The following GNAS variants were observed in gnomAD, a reference collection of about 807,000 sequenced individuals.
GNAS encodes protein ALEX.
In GNAS, 8 loss-of-function variants were observed where a neutral mutation model predicts 54.5. The ratio of observed to expected loss-of-function variants is 0.15; its 90% CI spans 0.09 to 0.26. The LOEUF (loss-of-function observed/expected upper bound fraction) is 0.26. Among genes scored for constraint, GNAS ranks in the 10% least tolerant of loss-of-function variants. The pLI, the probability that GNAS is intolerant of heterozygous loss-of-function variation, is 1.00. For synonymous variants in GNAS, 204 were observed against 191.4 expected (o/e 1.07, Z -0.54); for missense variants, 170 against 529.8 (o/e 0.32, Z 6.67).
chr20:58,888,478 G>C (rs1476286366), upstream of GNAS: 1 of 152,192 alleles, frequency 6.6e-6, no homozygotes, highest in Non-Finnish European at 1.5e-5. Context: ...TGTGCGGCGG[G>C]ACACTTGAGA....
At chr20:58,846,549 T>C (rs185857519) in intron 1 of GNAS, among the ~76,000 whole-genome samples, 158 of 152,368 alleles carry the variant, frequency 1.0e-3, no homozygotes, top group Non-Finnish European at 2.5e-4. Flanking sequence ...TCTAGCTGTC[T>C]AGCTCCAAGG....
At chr20:58,883,854 C>G (rs541632532) in intron 1 of GNAS, among the ~76,000 whole-genome samples, 35 of 152,214 alleles carry the variant, frequency 2.3e-4, no homozygotes, top group Non-Finnish European at 4.7e-4. Flanking sequence ...GACTGTGCCC[C>G]GATGGTTAGT....
rs565602903 is a variant in GNAS, at chr20:58,870,382, G to C, written c.44-25230G>C. Among the ~76,000 whole-genome samples the C allele has an allele frequency of 2.6e-5, 4 of 152,368 alleles. No homozygotes were observed. In the East Asian group the frequency reaches 7.7e-4, roughly 29 times the overall value. On this transcript the variant is annotated intron_variant, in intron 1 of 12. Transcript: ENST00000306090. ...GTGGCTGAGGGCAGGTGACCCTGTA[G>C]ACCGTGGGGAACAGAGGAGGCCAGG...
rs770529133 is a variant in GNAS at position 58,903,755 on chromosome 20, G to A, written c.396G>A (p.Leu132=). The A allele has an allele frequency of 6.2e-7, 1 of 1,613,876 alleles. No individual in the cohort carries two copies. Among genetic ancestry groups the A allele is most frequent in the South Asian group, 1.1e-5 (1 of 91,052 alleles). The change falls in exon 5 of 13, where the codon CTG becomes CTA. Residue 132 remains leucine, a synonymous_variant. Transcript: ENST00000371085. The part of the protein sequence containing the change: ...PENQFRVDYI[L]SVMNVPDFDF... ...ACCAGTTCAGAGTGGACTACATCCT[G>A]AGTGTGATGAACGTGCCTGACTTTG... is the stretch of plus-strand genomic sequence containing the variant.
chr20:58,894,404 T>A (rs1451540870), intron 1 of GNAS, among the ~76,000 whole-genome samples: 1 of 152,242 alleles, frequency 6.6e-6, no homozygotes, highest in Non-Finnish European at 1.5e-5. Flanking sequence ...CTGTGGAAAC[T>A]AATTTTAACT....
At position 58,873,322 on chromosome 20, in the gene GNAS, T is replaced by C. The variant is rs1568949339; in HGVS notation, c.44-22290T>C. ...GGAAATGTTTAGTGGAAATTTAGCA[T>C]AAAATGACATGCCTAATTTAAGAAA... On this transcript the variant is annotated intron_variant, in intron 1 of 12. Coordinates refer to the GNAS transcript ENST00000306090. The surrounding 1 kb of genome is among the most constrained non-coding windows in gnomAD (Gnocchi z 4.3). Among the ~76,000 whole-genome samples the C allele has an allele frequency of 1.3e-5, 2 of 152,206 alleles. No individual in the cohort carries two copies. Among genetic ancestry groups the C allele is most frequent in the Non-Finnish European group, 2.9e-5 (2 of 68,030 alleles).
chr20:58,901,928 C>G (rs1310315717), intron 3 of GNAS, among the ~76,000 whole-genome samples: 1 of 149,452 alleles, frequency 6.7e-6, no homozygotes, highest in Non-Finnish European at 1.5e-5. Context: ...CGCCTTTCCT[C>G]TGCCTTAACT....
chr20:58,854,560 G>T, intron 1 of GNAS: 1 of 1,568,146 alleles, frequency 6.4e-7, no homozygotes, highest in Middle Eastern at 1.7e-4. Context: ...CCCGACTCCG[G>T]GGCAGCCCCT....
chr20:58,851,406 T>C lies in GNAS; in HGVS notation c.43+10520T>C, dbSNP rs144159482. Among the ~76,000 whole-genome samples the C allele has an allele frequency of 4.1e-3, 624 of 152,198 alleles. 2 individuals carry two copies. The highest frequency in any genetic ancestry group is 0.014 in the African/African-American group (595 of 41,530). On this transcript the variant is annotated intron_variant, in intron 1 of 12. Transcript: ENST00000306090. ...CTTGCTGCAGCCCGCCCTGTGTAACTCATCCAGCCTCCCCTCCCCCAGGGT... is the reference window on the plus strand; with the variant it reads ...CTTGCTGCAGCCCGCCCTGTGTAACCCATCCAGCCTCCCCTCCCCCAGGGT...
chr20:58,892,793 T>C (rs2089602004), intron 1 of GNAS, among the ~76,000 whole-genome samples: 1 of 152,052 alleles, frequency 6.6e-6, no homozygotes, highest in South Asian at 2.1e-4. Flanking sequence ...CACGTCATTT[T>C]ACAGTGTGAC....
chr20:58,903,832 C>G lies in GNAS; in HGVS notation c.432+41C>G, dbSNP rs761110421. 7 of 1,612,128 alleles carry G rather than the reference C, an allele frequency of 4.3e-6. No homozygotes were observed. The South Asian group carries it at 7.7e-5, about 18-fold the overall frequency. On this transcript the variant is annotated intron_variant, in intron 5 of 12. Transcript: ENST00000371085. ...ACTTGTGTGGCCTTAGCCCCGCCCA[C>G]CTGAGCACAGTGTCCATATAGGAAC...
chr20:58,842,987 C>T (rs1274038564), intron 1 of GNAS, among the ~76,000 whole-genome samples: 1 of 152,192 alleles, frequency 6.6e-6, no homozygotes, highest in Non-Finnish European at 1.5e-5. Flanking sequence ...TCACACCCAT[C>T]TTGCTGTTTT....
Position 58,910,679 on chromosome 20 carries a change from G to T in GNAS, c.1039-4G>T. The T allele has an allele frequency of 6.2e-7, 1 of 1,614,066 alleles. No individual in the cohort carries two copies. The highest frequency in any genetic ancestry group is 1.3e-5 in the African/African-American group (1 of 75,028). Reference sequence around the variant, plus strand: ...CTGACAAGTCCCCTTGTTTGTGCCCGCAGAGGATCAGCACTGCCAGTGGAG... The same window carrying T: ...CTGACAAGTCCCCTTGTTTGTGCCCTCAGAGGATCAGCACTGCCAGTGGAG... On this transcript the variant is annotated splice_polypyrimidine_tract_variant and splice_region_variant and intron_variant, in intron 12 of 12. Transcript: ENST00000371085. This position sits in a 1 kb window ranked among gnomAD's most constrained non-coding sequence, Gnocchi z 5.8.
chr20:58,853,450 A>T lies in GNAS; in HGVS notation c.43+12564A>T. On this transcript the variant is annotated intron_variant, in intron 1 of 12. Transcript: ENST00000306090. This position sits in a 1 kb window ranked among gnomAD's most constrained non-coding sequence, Gnocchi z 4.4. ...CCTCACAACGAGCCCATCCCCGTCG[A>T]GAATGATGGCGAGGCCTGTGGACCC... 1 of 1,611,422 alleles carries T rather than the reference A, an allele frequency of 6.2e-7. No homozygotes were observed. Among genetic ancestry groups the T allele is most frequent in the Non-Finnish European group, 8.5e-7 (1 of 1,179,068 alleles).
At chr20:58,908,855 C>A in intron 6 of GNAS, 2 of 451,736 alleles carry the variant, frequency 4.4e-6, no homozygotes, top group Non-Finnish European at 4.0e-6. Flanking sequence ...AGAACAAAGC[C>A]CCACCACCGT....
In GNAS at chr20:58,909,134, A is replaced by G. The variant is rs1393901356; in HGVS notation, c.531-28A>G. 1.4e-5 allele frequency: 23 copies of G among 1,605,022 alleles called. No individual in the cohort carries two copies. The highest frequency in any genetic ancestry group is 1.7e-5 in the Non-Finnish European group (20 of 1,171,812). Reference sequence around the variant, plus strand: ...GCAAATTGATGTGAGCGCTGTGAACACCCCACGTGTCTTTCTTTTTCTCCC... The same window carrying G: ...GCAAATTGATGTGAGCGCTGTGAACGCCCCACGTGTCTTTCTTTTTCTCCC... On this transcript the variant is annotated intron_variant, in intron 6 of 12. Coordinates refer to ENST00000371085, the MANE Select transcript of GNAS (RefSeq NM_000516.7). This position sits in a 1 kb window ranked among gnomAD's most constrained non-coding sequence, Gnocchi z 7.3.
chr20:58,891,484 C>A lies in GNAS; in HGVS notation c.-243C>A. On this transcript the variant is annotated 5_prime_UTR_variant, in exon 1 of 13. Transcript: ENST00000371085. ...CGGCGGCGGCCATCAGCCCCCTCGG[C>A]CTCGGCTCGAGGGGCGGGGAGCTGC... The A allele has an allele frequency of 1.1e-6, 1 of 950,940 alleles. No individual in the cohort carries two copies. Among genetic ancestry groups the A allele is most frequent in the Non-Finnish European group, 1.2e-6 (1 of 800,802 alleles). 58.9% of individuals were successfully genotyped at this position (950,940 alleles called of 1,614,324 possible).
intron 2 of GNAS, chr20:58,898,202 G>A (rs564926560): frequency 6.6e-6 from 1 of 152,076 alleles, no homozygotes; most frequent in South Asian, 2.1e-4. Context: ...GCTGCCCTTC[G>A]GCCTTCAAGG....
chr20:58,879,315 T>C (rs557912944), intron 1 of GNAS, among the ~76,000 whole-genome samples: 1 of 152,362 alleles, frequency 6.6e-6, no homozygotes, highest in South Asian at 2.1e-4. Flanking sequence ...CTTTCACTTG[T>C]AGCTTTGCTC....
Sources: gnomAD v4.1 joint callset for allele counts (sites outside exome capture counted in the v4.1 genomes callset) on GRCh38, gnomAD v4.1.1 for gene constraint, Gnocchi (gnomAD v3.1) non-coding constraint, MANE v1.5 for transcripts, NCBI Gene and HGNC (gene_info 2026-07-23, HGNC 2026-07-21) for gene names.